Variants in ST6GALNAC3 observed in about 807,000 individuals in gnomAD.
The protein encoded by ST6GALNAC3 is ST6 N-acetylgalactosaminide alpha-2,6-sialyltransferase 3, also known as alpha-N-acetylgalactosaminide alpha-2,6-sialyltransferase 3.
Under a neutral mutation model 32.7 loss-of-function variants are expected in ST6GALNAC3, and 25 were observed. That is an observed-to-expected ratio of 0.76 (90% CI 0.56 to 1.07). The LOEUF is 1.07. Among genes scored for constraint, ST6GALNAC3 ranks in the 50% least tolerant of loss-of-function variants. The probability of loss-of-function intolerance (pLI) is 0.00; values close to 1 mark genes in which losing one functional copy is unlikely to be tolerated. For missense variants in ST6GALNAC3, 355 were observed against 382.4 expected, an observed-to-expected ratio of 0.93 and a Z score of 0.60; for synonymous variants, 129 against 133.1, an observed-to-expected ratio of 0.97 and a Z score of 0.21.
Position 76,616,350 on chromosome 1 carries a change from T to G in ST6GALNAC3, c.624-11102T>G, listed in dbSNP as rs558970953. On this transcript the variant is annotated intron_variant, in intron 3 of 4. Transcript: ENST00000328299. The stretch of plus-strand genomic sequence containing the variant: ...TAGAACTGAAATTCCTTAGCAAAAT[T>G]TAATTGGAATAGCATTCTACCTTAA... Among the ~76,000 whole-genome samples the G allele has an allele frequency of 3.9e-5, 6 of 152,270 alleles. No homozygotes were observed. In the East Asian group the frequency reaches 7.7e-4, roughly 20 times the overall value.
intron 3 of ST6GALNAC3, among the ~76,000 whole-genome samples, chr1:76,594,465 G>A (rs567225393): frequency 6.6e-6 from 1 of 152,024 alleles, no homozygotes; most frequent in Non-Finnish European, 1.5e-5. Context: ...ATACCCTCTT[G>A]TTCCTCTGTT....
chr1:76,565,556 C>T (rs1665505189), intron 3 of ST6GALNAC3, among the ~76,000 whole-genome samples: 1 of 152,182 alleles, frequency 6.6e-6, no homozygotes, highest in Non-Finnish European at 1.5e-5. Context: ...AGCCTCCCAG[C>T]TCGGTAGACA....
chr1:76,096,533 C>CT (rs1191640267), intron 1 of ST6GALNAC3, among the ~76,000 whole-genome samples: 2 of 151,608 alleles, frequency 1.3e-5, no homozygotes, highest in Non-Finnish European at 2.9e-5. Context: ...AAGCCCCCTT[C>CT]TTTTAAGACA....
chr1:76,538,103 C>T (rs981271365), intron 3 of ST6GALNAC3, among the ~76,000 whole-genome samples: 2 of 152,032 alleles, frequency 1.3e-5, no homozygotes, highest in East Asian at 1.9e-4. Flanking sequence ...TGATGAACAT[C>T]GACACAAAAA....
At chr1:76,459,353 A>G (rs139051751) in intron 3 of ST6GALNAC3, among the ~76,000 whole-genome samples, 1,637 of 152,312 alleles carry the variant, frequency 0.011, 26 homozygotes, top group African/African-American at 0.036. Flanking sequence ...TCATGAGGTC[A>G]GGAGATCAAG....
rs546642911 is a variant in ST6GALNAC3 at position 76,401,619 on chromosome 1, T to G, written c.214-10389T>G. ...TGTAACAGTGATTTGAGACCTAGGA[T>G]GATATTATCTTCCTCCAGAGGAGAT... is the stretch of plus-strand genomic sequence containing the variant. On this transcript the variant is annotated intron_variant, in intron 2 of 4. Coordinates refer to ENST00000328299, the MANE Select transcript of ST6GALNAC3 (RefSeq NM_152996.4). Among the ~76,000 whole-genome samples the G allele has an allele frequency of 7.0e-4, 107 of 152,320 alleles. 1 individual carries two copies. Among genetic ancestry groups the G allele is most frequent in the African/African-American group, 2.4e-3 (98 of 41,576 alleles).
intron 1 of ST6GALNAC3, among the ~76,000 whole-genome samples, chr1:76,089,254 T>C (rs289694): frequency 0.95 from 144,117 of 152,164 alleles, 68,432 homozygotes; most frequent in South Asian, 1. Flanking sequence ...GGTTTCACTG[T>C]GTTAGCCAGG....
intron 3 of ST6GALNAC3, among the ~76,000 whole-genome samples, chr1:76,527,732 G>A (rs1305609529): frequency 6.6e-6 from 1 of 152,086 alleles, no homozygotes; most frequent in Non-Finnish European, 1.5e-5. Flanking sequence ...GACAAAAGCT[G>A]CCATTAATAA....
chr1:76,626,787 G>C (rs552818654), intron 3 of ST6GALNAC3, among the ~76,000 whole-genome samples: 20 of 151,970 alleles, frequency 1.3e-4, no homozygotes, highest in African/African-American at 4.8e-4. Context: ...AAGACAGAAG[G>C]TTTGGTTGTT....
chr1:76,219,021 T>G (rs1261638836), intron 1 of ST6GALNAC3, among the ~76,000 whole-genome samples: 1 of 152,210 alleles, frequency 6.6e-6, no homozygotes, highest in Non-Finnish European at 1.5e-5. Flanking sequence ...GCCTTGAGAT[T>G]TTAAGTAATA....
At chr1:76,334,506 T>A (rs1261070400) in intron 2 of ST6GALNAC3, among the ~76,000 whole-genome samples, 1 of 152,192 alleles carries the variant, frequency 6.6e-6, no homozygotes, top group African/African-American at 2.4e-5. Flanking sequence ...CAACAAAAGA[T>A]ACCATGTTAG....
At chr1:76,331,489 CT>C (rs1474382671) in intron 2 of ST6GALNAC3, among the ~76,000 whole-genome samples, 71 of 152,318 alleles carry the variant, frequency 4.7e-4, no homozygotes, top group African/African-American at 1.7e-3. Flanking sequence ...TTAAATGCTA[CT>C]TTATTAGCAT....
intron 3 of ST6GALNAC3, among the ~76,000 whole-genome samples, chr1:76,480,503 A>G (rs1305481202): frequency 6.6e-6 from 1 of 152,122 alleles, no homozygotes; most frequent in Non-Finnish European, 1.5e-5. Context: ...AAGTAAGGAA[A>G]TCCTAGATTT....
At chr1:76,423,092 C>T (rs531516576) in intron 3 of ST6GALNAC3, among the ~76,000 whole-genome samples, 35 of 152,066 alleles carry the variant, frequency 2.3e-4, no homozygotes, top group African/African-American at 7.7e-4. Context: ...CAATTTTGCT[C>T]ATTAGGTATT....
intron 1 of ST6GALNAC3, among the ~76,000 whole-genome samples, chr1:76,150,688 T>C (rs1448288804): frequency 6.6e-6 from 1 of 152,108 alleles, no homozygotes; most frequent in African/African-American, 2.4e-5. Context: ...AGTGTGCAGA[T>C]TGATAAAACA....
At chr1:76,318,074 A>T (rs4590722) in intron 2 of ST6GALNAC3, among the ~76,000 whole-genome samples, 21,420 of 151,426 alleles carry the variant, frequency 0.14, 1,857 homozygotes, top group East Asian at 0.28. Context: ...GTTTTTTTTA[A>T]AAAAAATAAT....
intron 2 of ST6GALNAC3, among the ~76,000 whole-genome samples, chr1:76,403,472 T>C (rs571298810): frequency 3.3e-5 from 5 of 152,276 alleles, no homozygotes; most frequent in Non-Finnish European, 7.4e-5. Flanking sequence ...TCCTCTCTTA[T>C]TGTTTTTAAT....
intron 1 of ST6GALNAC3, among the ~76,000 whole-genome samples, chr1:76,102,235 TTG>T (rs60454163): frequency 0.39 from 58,015 of 147,264 alleles, 11,547 homozygotes; most frequent in East Asian, 0.8. Context: ...CCTGGTGTGT[TTG>T]TGTGTGTGTG....
chr1:76,595,930 G>A (rs942990214), intron 3 of ST6GALNAC3, among the ~76,000 whole-genome samples: 2 of 152,020 alleles, frequency 1.3e-5, no homozygotes, highest in Non-Finnish European at 2.9e-5. Context: ...GACATGATTA[G>A]AACCAGCTGG....
Sources: gnomAD v4.1 joint callset for allele counts (sites outside exome capture counted in the v4.1 genomes callset) on GRCh38, gnomAD v4.1.1 for gene constraint, MANE v1.5 for transcripts, NCBI Gene and HGNC (gene_info 2026-07-23, HGNC 2026-07-21) for gene names.